The following NEK6 variants were observed in gnomAD, a reference collection of about 807,000 sequenced individuals.
NEK6 encodes serine/threonine-protein kinase Nek6.
NEK6 carries 27 observed loss-of-function variants against 43.5 expected under a neutral mutation model. The ratio of observed to expected loss-of-function variants is 0.62; its 90% CI spans 0.46 to 0.86. NEK6 has a LOEUF of 0.86. Ranked by LOEUF, NEK6 falls within the 40% of genes least tolerant of loss-of-function variation. NEK6 has a pLI of 0.00. For synonymous variants in NEK6, 167 were observed against 164.1 expected (o/e 1.02, Z -0.14); for missense variants, 318 against 414.4 (o/e 0.77, Z 2.02).
chr9:124,340,209 G>A (rs564826824), intron 8 of NEK6, among the ~76,000 whole-genome samples: 1 of 152,074 alleles, frequency 6.6e-6, no homozygotes, highest in Admixed American at 6.5e-5. Context: ...GGCCTGCCTG[G>A]ACAAAGGGAC....
intron 1 of NEK6, among the ~76,000 whole-genome samples, chr9:124,299,538 G>A (rs763552882): frequency 6.6e-6 from 1 of 152,116 alleles, no homozygotes; most frequent in Non-Finnish European, 1.5e-5. Context: ...CTGCGCTCCA[G>A]TGCAAGAACT....
chr9:124,350,307 G>A (rs1020504178), intron 9 of NEK6, among the ~76,000 whole-genome samples: 4 of 151,854 alleles, frequency 2.6e-5, no homozygotes, highest in South Asian at 2.1e-4. Context: ...GGCGCAAGGC[G>A]CCCCTCCCCC....
chr9:124,334,506 A>G (rs1395386585), intron 7 of NEK6, among the ~76,000 whole-genome samples: 6 of 152,186 alleles, frequency 3.9e-5, no homozygotes, highest in Admixed American at 1.3e-4. Context: ...GGTGCCCCCA[A>G]TCTCTCTCTG....
chr9:124,346,597 G>A (rs921206691), intron 8 of NEK6, among the ~76,000 whole-genome samples: 2 of 152,076 alleles, frequency 1.3e-5, no homozygotes, highest in African/African-American at 4.8e-5. Flanking sequence ...GGGGCGGTCC[G>A]GGAGGCAGGC....
At chr9:124,337,925 T>C (rs2131028022) in intron 7 of NEK6, among the ~76,000 whole-genome samples, 1 of 152,364 alleles carries the variant, frequency 6.6e-6, no homozygotes, top group Non-Finnish European at 1.5e-5. Context: ...TTTGGTTTTT[T>C]TGTCTTTAAA....
At chr9:124,339,382 G>A (rs1829467800) in intron 7 of NEK6, among the ~76,000 whole-genome samples, 189 bp from the exon 8 acceptor site, 1 of 152,012 alleles carries the variant, frequency 6.6e-6, no homozygotes, top group Admixed American at 6.6e-5. Flanking sequence ...GCTAGCATGG[G>A]AACCTCTAAT....
At chr9:124,284,688 C>T (rs542787272) in intron 1 of NEK6, among the ~76,000 whole-genome samples, 20 of 152,320 alleles carry the variant, frequency 1.3e-4, no homozygotes, top group South Asian at 1.0e-3. Flanking sequence ...ATTCTCCGGA[C>T]GCCTGTGGAG....
At chr9:124,342,502 G>A (rs985256607) in intron 8 of NEK6, among the ~76,000 whole-genome samples, 3 of 152,264 alleles carry the variant, frequency 2.0e-5, no homozygotes, top group African/African-American at 4.8e-5. Context: ...GTCATAGTGA[G>A]GAAGGAATGA....
chr9:124,326,487 A>G lies in NEK6; in HGVS notation c.514+49A>G, dbSNP rs377205820. 1.8e-4 allele frequency: 243 copies of G among 1,387,070 alleles called. No homozygotes were observed. Among genetic ancestry groups the G allele is most frequent in the Non-Finnish European group, 2.4e-4 (234 of 985,686 alleles). 85.9% of individuals were successfully genotyped at this position (1,387,070 alleles called of 1,614,324 possible). ...GCCCGGAGCCACCTGGAGCCCAGGA[A>G]GACACTTCCTCATGGCTCCTCCAGG... is the stretch of plus-strand genomic sequence containing the variant. On this transcript the variant is annotated intron_variant, in intron 6 of 9. Coordinates refer to ENST00000320246, the MANE Select transcript of NEK6 (RefSeq NM_014397.6). This position sits in a 1 kb window ranked among gnomAD's most constrained non-coding sequence, Gnocchi z 4.5.
At chr9:124,273,449 G>C (rs1831527641) in intron 1 of NEK6, among the ~76,000 whole-genome samples, 1 of 152,208 alleles carries the variant, frequency 6.6e-6, no homozygotes, top group Non-Finnish European at 1.5e-5. Context: ...CTCAGGGCAG[G>C]AGAAGACTTA....
Position 124,346,526 on chromosome 9 carries a change from C to T in NEK6, c.718-1183C>T, listed in dbSNP as rs1357160786. Among the ~76,000 whole-genome samples, 7 of 152,182 alleles carry T rather than the reference C, an allele frequency of 4.6e-5. No homozygotes were observed. The East Asian group carries it at 1.4e-3, about 29-fold the overall frequency. ...TGGCCCCTCCGGGGGGGAACCGGGG[C>T]CAGACAGCAGGAGGGCACTCGCCCG... On this transcript the variant is annotated intron_variant, in intron 8 of 9. Transcript: ENST00000320246.
intron 1 of NEK6, among the ~76,000 whole-genome samples, chr9:124,299,683 G>A (rs748078868): frequency 6.6e-6 from 1 of 152,138 alleles, no homozygotes; most frequent in African/African-American, 2.4e-5. Flanking sequence ...GGGGTGGGGA[G>A]GGAAGAGGCA....
At chr9:124,279,301 T>G (rs950312315) in intron 1 of NEK6, among the ~76,000 whole-genome samples, 27 of 131,118 alleles carry the variant, frequency 2.1e-4, no homozygotes, top group African/African-American at 8.3e-4. Context: ...TTCTCTTCCC[T>G]TTTTTTTTTT....
intron 2 of NEK6, among the ~76,000 whole-genome samples, chr9:124,311,109 C>G (rs2416928): frequency 0.014 from 2,090 of 152,254 alleles, 39 homozygotes; most frequent in African/African-American, 0.048. Flanking sequence ...GCAGCTGGTC[C>G]GGCCAGCAGT....
At chr9:124,264,233 G>A (rs948168090) in intron 1 of NEK6, among the ~76,000 whole-genome samples, 2 of 152,222 alleles carry the variant, frequency 1.3e-5, no homozygotes, top group Non-Finnish European at 2.9e-5. Flanking sequence ...TATCGCTCTG[G>A]GGCGGCTTCT....
intron 1 of NEK6, among the ~76,000 whole-genome samples, chr9:124,283,796 G>A (rs913968343): frequency 1.3e-5 from 2 of 152,220 alleles, no homozygotes; most frequent in Admixed American, 6.5e-5. Context: ...GCTGCTTCCC[G>A]TTCCGAGGAA....
Position 124,321,508 on chromosome 9 carries a change from A to C in NEK6, c.344A>C (p.Asp115Ala). 1 of 1,614,098 alleles carries C rather than the reference A, an allele frequency of 6.2e-7. No homozygotes were observed. The highest frequency in any genetic ancestry group is 2.2e-5 in the East Asian group (1 of 44,882). ...AAGTATTTGGACTCGTTTATCGAAG[A>C]CAACGAGCTGAACATTGTGCTGGAG... ...IIKYLDSFIE[D>A]NELNIVLELA... The change falls in exon 5 of 10, where the codon GAC becomes GCC. Residue 115 changes from aspartate (D) to alanine (A), a missense_variant. Asp to Ala is a moderately radical substitution (Grantham distance 126). Transcript: ENST00000320246.
At chr9:124,317,863 G>T (rs76381231) in intron 4 of NEK6, among the ~76,000 whole-genome samples, 13,208 of 152,214 alleles carry the variant, frequency 0.087, 1,210 homozygotes, top group African/African-American at 0.24. Context: ...TTTATTCTTT[G>T]TTGTGGCTGC....
At chr9:124,329,983 C>T (rs1025254130) in intron 7 of NEK6, among the ~76,000 whole-genome samples, 16 of 152,244 alleles carry the variant, frequency 1.1e-4, no homozygotes, top group Non-Finnish European at 1.6e-4. Flanking sequence ...GTGGCAGCCA[C>T]GTTGCCCCAG....
Sources: allele counts gnomAD v4.1 joint callset (sites outside exome capture counted in the v4.1 genomes callset), GRCh38; gene constraint gnomAD v4.1.1; non-coding constraint Gnocchi (gnomAD v3.1); transcripts MANE v1.5; gene names NCBI Gene and HGNC (gene_info 2026-07-23, HGNC 2026-07-21).